NAALADL2: variants seen among roughly 807,000 people sequenced by gnomAD.
NAALADL2 encodes the protein inactive N-acetylated-alpha-linked acidic dipeptidase-like protein 2.
In NAALADL2, 76 loss-of-function variants were observed where a neutral mutation model predicts 87.2. The observed-to-expected ratio is 0.87, with a 90% CI of 0.72 to 1.05. NAALADL2 has a LOEUF of 1.05. NAALADL2 is among the 50% of genes least tolerant of loss of function. The pLI is 0.00. For synonymous variants in NAALADL2, 354 were observed against 331.0 expected, an observed-to-expected ratio of 1.07 and a Z score of -0.75; for missense variants, 1,089 against 945.8, an observed-to-expected ratio of 1.15 and a Z score of -1.99.
chr3:175,276,200 CAT>C (rs779514015), intron 4 of NAALADL2, among the ~76,000 whole-genome samples: 18 of 150,800 alleles, frequency 1.2e-4, no homozygotes, highest in Admixed American at 5.3e-4. Flanking sequence ...TTAATCAATC[CAT>C]TTCCAAGTTT....
At chr3:175,688,083 A>T (rs928036913) in intron 11 of NAALADL2, among the ~76,000 whole-genome samples, 5 of 152,132 alleles carry the variant, frequency 3.3e-5, no homozygotes, top group Non-Finnish European at 5.9e-5. Context: ...GTTTGAATTA[A>T]TATTCTGTTT....
intron 3 of NAALADL2, among the ~76,000 whole-genome samples, chr3:174,810,742 G>T (rs962324522): frequency 1.3e-5 from 2 of 152,118 alleles, no homozygotes; most frequent in African/African-American, 4.8e-5. Context: ...ACTCAAGCAG[G>T]CTGCAGAAAT....
At chr3:175,666,399 TAGAG>T (rs1458840646) in intron 11 of NAALADL2, among the ~76,000 whole-genome samples, 13 of 152,202 alleles carry the variant, frequency 8.5e-5, no homozygotes, top group Non-Finnish European at 4.4e-5. Flanking sequence ...TTGCACATGT[TAGAG>T]CATGTGAATT....
chr3:175,191,946 C>A (rs975264440), intron 2 of NAALADL2, among the ~76,000 whole-genome samples: 2 of 152,000 alleles, frequency 1.3e-5, no homozygotes, highest in Non-Finnish European at 2.9e-5. Flanking sequence ...TCAGTGATCT[C>A]CCAAATAAAC....
At chr3:175,422,418 TACTACAGTGTCTTTCC>T (rs1216727649) in intron 5 of NAALADL2, among the ~76,000 whole-genome samples, 1 of 152,116 alleles carries the variant, frequency 6.6e-6, no homozygotes, top group East Asian at 1.9e-4. Context: ...TGGATTAAAC[TACTACAGTGTCTTTCC>T]ACTCTATACA....
At chr3:175,501,235 G>T (rs975658988) in intron 9 of NAALADL2, among the ~76,000 whole-genome samples, 3 of 152,062 alleles carry the variant, frequency 2.0e-5, no homozygotes, top group Non-Finnish European at 4.4e-5. Flanking sequence ...AAATTTATTG[G>T]TTCATATATT....
At chr3:174,686,132 G>T (rs569696145) in intron 2 of NAALADL2, among the ~76,000 whole-genome samples, 1 of 152,072 alleles carries the variant, frequency 6.6e-6, no homozygotes, top group East Asian at 1.9e-4. Flanking sequence ...ATGAACATAT[G>T]CATGCATATG....
intron 6 of NAALADL2, chr3:175,460,265 A>T (rs1722916358): frequency 4.5e-6 from 2 of 449,132 alleles, no homozygotes; most frequent in Middle Eastern, 4.1e-4. Flanking sequence ...TAGTGAAAAT[A>T]AACAGACTCT....
At chr3:174,819,483 GTCATACATGGACTCGAGGTCTGACTTC>G (rs1313796692) in intron 3 of NAALADL2, among the ~76,000 whole-genome samples, 1 of 151,902 alleles carries the variant, frequency 6.6e-6, no homozygotes, top group African/African-American at 2.4e-5. Context: ...GTATAAAAGA[GTCATACATGGACTCGAGGTCTGACTTC>G]TCATACACGG....
At chr3:175,337,176 A>G (rs1248169541) in intron 5 of NAALADL2, among the ~76,000 whole-genome samples, 2 of 148,792 alleles carry the variant, frequency 1.3e-5, no homozygotes, top group African/African-American at 4.9e-5. Flanking sequence ...GTAATTACTG[A>G]TAGCAACCCC....
chr3:175,321,642 C>T lies in NAALADL2; in HGVS notation c.940-2533C>T, dbSNP rs555526716. Reference sequence around the variant, plus strand: ...CTGATAAGCAACTTCAGCAAAGTCTCAGGATACAAAATCAATGTACAAAAA... The same window carrying T: ...CTGATAAGCAACTTCAGCAAAGTCTTAGGATACAAAATCAATGTACAAAAA... On this transcript the variant is annotated intron_variant, in intron 4 of 13. Coordinates refer to ENST00000454872, the MANE Select transcript of NAALADL2 (RefSeq NM_207015.3). Among the ~76,000 whole-genome samples the T allele has an allele frequency of 6.2e-3, 501 of 81,316 alleles. 6 individuals carry two copies. The highest frequency in any genetic ancestry group is 0.028 in the African/African-American group (469 of 16,582). 53.3% of individuals were successfully genotyped at this position (81,316 alleles called of 152,430 possible). A position where few individuals can be genotyped will look rare whatever the true frequency, so the allele number is the denominator to read the frequency against.
Position 175,357,640 on chromosome 3 carries a change from C to T in NAALADL2, c.1090+33315C>T, listed in dbSNP as rs889093647. The stretch of plus-strand genomic sequence containing the variant: ...TCTAATACAATATATGCAACAAACA[C>T]ACAAATATCAAATGGCTCATAGTTC... On this transcript the variant is annotated intron_variant, in intron 5 of 13. Coordinates refer to ENST00000454872, the MANE Select transcript of NAALADL2 (RefSeq NM_207015.3). Among the ~76,000 whole-genome samples the T allele has an allele frequency of 3.3e-5, 5 of 152,056 alleles. No homozygotes were observed. In the East Asian group the frequency reaches 9.6e-4, roughly 29 times the overall value.
At chr3:174,990,315 A>G (rs1746542697) in intron 1 of NAALADL2, among the ~76,000 whole-genome samples, 1 of 152,134 alleles carries the variant, frequency 6.6e-6, no homozygotes, top group African/African-American at 2.4e-5. Flanking sequence ...TCACATCATC[A>G]CATCTGAAAC....
chr3:175,365,722 A>C (rs1765476910), intron 5 of NAALADL2, among the ~76,000 whole-genome samples: 1 of 147,380 alleles, frequency 6.8e-6, no homozygotes, highest in African/African-American at 2.5e-5. Flanking sequence ...TGAGATACAT[A>C]GGATCCAAGA....
chr3:175,714,378 C>T (rs1740951802), intron 11 of NAALADL2, among the ~76,000 whole-genome samples: 1 of 152,144 alleles, frequency 6.6e-6, no homozygotes, highest in Non-Finnish European at 1.5e-5. Flanking sequence ...TTCTCCACAT[C>T]CTCTCCAGCA....
intron 11 of NAALADL2, among the ~76,000 whole-genome samples, chr3:175,630,809 G>T (rs62284519): frequency 0.27 from 40,277 of 151,080 alleles, 6,192 homozygotes; most frequent in African/African-American, 0.43. Context: ...AAAACCCATC[G>T]AGGTATACAT....
At chr3:174,748,866 G>T (rs1385935947) in intron 3 of NAALADL2, among the ~76,000 whole-genome samples, 1 of 152,014 alleles carries the variant, frequency 6.6e-6, no homozygotes, top group Non-Finnish European at 1.5e-5. Context: ...TTTCCTACAT[G>T]GTTGTAACCT....
chr3:174,459,119 T>A (rs1252412799), intron 1 of NAALADL2: 1 of 152,224 alleles, frequency 6.6e-6, no homozygotes, highest in Non-Finnish European at 1.5e-5. Flanking sequence ...TATCTTTTAT[T>A]CTGATTATAT....
chr3:174,992,584 TTC>T (rs1038180328), intron 1 of NAALADL2, among the ~76,000 whole-genome samples: 3 of 152,142 alleles, frequency 2.0e-5, no homozygotes, highest in African/African-American at 7.2e-5. Context: ...ATTTTATCAT[TTC>T]TGTTTAATTT....
Sources: gnomAD v4.1 joint callset for allele counts (sites outside exome capture counted in the v4.1 genomes callset) on GRCh38, gnomAD v4.1.1 for gene constraint, MANE v1.5 for transcripts, NCBI Gene and HGNC (gene_info 2026-07-23, HGNC 2026-07-21) for gene names.